DEFB132: variants seen among roughly 807,000 people sequenced by gnomAD.
The protein encoded by DEFB132 is defensin beta 132, also known as beta-defensin 132.
DEFB132 carries 5 observed loss-of-function variants against 2.5 expected under a neutral mutation model. The observed-to-expected ratio is 2.00, with a 90% CI of 1.04 to 4.20. The LOEUF is 4.20. DEFB132 is among the 30% of genes most tolerant of loss of function. The pLI is 0.00. For missense variants in DEFB132, 112 were observed against 110.0 expected, an observed-to-expected ratio of 1.02 and a Z score of -0.08; for synonymous variants, 53 against 46.2, an observed-to-expected ratio of 1.15 and a Z score of -0.60.
At chr20:258,964 C>A in intron 1 of DEFB132, 113 bp from the exon 2 acceptor site, 1 of 1,019,940 alleles carries the variant, frequency 9.8e-7, no homozygotes, top group African/African-American at 1.6e-5. Flanking sequence ...TGCACAACAT[C>A]CTAAGGATAC....
Position 259,180 on chromosome 20 carries a change from A to C in DEFB132, c.162A>C (p.Lys54Asn). The change falls in exon 2 of 2, where the codon AAA (lysine) becomes AAC (asparagine). Residue 54 changes from lysine to asparagine, a missense_variant. Transcript: ENST00000382376. ...TALFMCNASR[K>N]CCISYSFLPK... ...TGTTCATGTGCAACGCTTCCAGAAA[A>C]TGCTGCATCAGCTACTCCTTCCTGC... The C allele has an allele frequency of 1.9e-6, 3 of 1,609,140 alleles. No individual in the cohort carries two copies. The South Asian group carries it at 3.3e-5, about 18-fold the overall frequency.
chr20:259,270 G>A lies in DEFB132; in HGVS notation c.252G>A (p.Arg84=). The part of the protein sequence containing the change: ...HWQSRRRNTQ[R]KDKKQQTTVT... ...AATCAAGGAGAAGAAACACACAAAG[G>A]AAAGACAAGAAGCAACAAACGACCG... The change falls in exon 2 of 2, where the codon AGG becomes AGA. Residue 84 remains arginine, a synonymous_variant. Transcript: ENST00000382376. The A allele has an allele frequency of 6.6e-7, 1 of 1,512,174 alleles. No individual in the cohort carries two copies. The highest frequency in any genetic ancestry group is 1.8e-4 in the Middle Eastern group (1 of 5,602). 93.7% of individuals were successfully genotyped at this position (1,512,174 alleles called of 1,614,324 possible).
At position 259,207 on chromosome 20, in the gene DEFB132, G is replaced by A. The variant is rs181736557; in HGVS notation, c.189G>A (p.Pro63=). The A allele has an allele frequency of 3.0e-5, 49 of 1,610,786 alleles. No individual in the cohort carries two copies. Among genetic ancestry groups the A allele is most frequent in the South Asian group, 1.5e-4 (14 of 91,004 alleles). The change falls in exon 2 of 2, where the codon CCG becomes CCA. Residue 63 remains proline (P), a synonymous_variant. Coordinates refer to ENST00000382376, the MANE Select transcript of DEFB132 (RefSeq NM_207469.3). ...RKCCISYSFL[P]KPDLPQLIGN... is the part of the protein sequence containing the mutation. Reference sequence around the variant, plus strand: ...GCTGCATCAGCTACTCCTTCCTGCCGAAGCCTGACCTACCACAGCTCATCG... The same window carrying A: ...GCTGCATCAGCTACTCCTTCCTGCCAAAGCCTGACCTACCACAGCTCATCG...
chr20:257,888 A>C lies in DEFB132; in HGVS notation c.58+52A>C, dbSNP rs538010615. On this transcript the variant is annotated intron_variant, in intron 1 of 1. Transcript: ENST00000382376. Reference sequence around the variant, plus strand: ...AAAACTGGGAACGAGGAACACTAGCATATCTGGTTGCTCTGGTGATAGATG... The same window carrying C: ...AAAACTGGGAACGAGGAACACTAGCCTATCTGGTTGCTCTGGTGATAGATG... 6.3e-6 allele frequency: 10 copies of C among 1,578,540 alleles called. No individual in the cohort carries two copies. The South Asian group carries it at 6.7e-5, about 11-fold the overall frequency.
At chr20:258,752 C>T (rs2011606507) in intron 1 of DEFB132, among the ~76,000 whole-genome samples, 1 of 152,222 alleles carries the variant, frequency 6.6e-6, no homozygotes, top group African/African-American at 2.4e-5. Context: ...TTTTGAGTAT[C>T]CAAGCTCCTC....
At position 260,882 on chromosome 20, in the gene DEFB132, G is replaced by T. The variant is rs1265258895; in HGVS notation, c.*1576G>T. 1.3e-5 allele frequency: 2 copies of T among 152,126 alleles called. No individual in the cohort carries two copies. Among genetic ancestry groups the T allele is most frequent in the East Asian group, 3.8e-4 (2 of 5,196 alleles). 9.4% of individuals were successfully genotyped at this position (152,126 alleles called of 1,614,324 possible). A position where few individuals can be genotyped will look rare whatever the true frequency, so the allele number is the denominator to read the frequency against. On this transcript the variant is annotated 3_prime_UTR_variant, in exon 2 of 2. Coordinates refer to ENST00000382376, the MANE Select transcript of DEFB132 (RefSeq NM_207469.3). ...CATGTAAGAATAAATTGATTAGGTG[G>T]TATTAAATATTAAGTTCTTATGTAT...
At position 259,422 on chromosome 20, in the gene DEFB132, C is replaced by A; in HGVS notation, c.*116C>A. On this transcript the variant is annotated 3_prime_UTR_variant, in exon 2 of 2. Coordinates refer to ENST00000382376, the MANE Select transcript of DEFB132 (RefSeq NM_207469.3). ...TCTTTATGGGGCAGATATCTATAGC[C>A]AACCCCAAAACTTCTGTCTTCTATC... 1 of 1,118,924 alleles carries A rather than the reference C, an allele frequency of 8.9e-7. No homozygotes were observed. The highest frequency in any genetic ancestry group is 1.3e-6 in the Non-Finnish European group (1 of 798,388). The allele number at this position is 1,118,924 out of a possible 1,614,324, so 69.3% of individuals were successfully genotyped here.
At chr20:257,857 G>A in intron 1 of DEFB132, 21 bp downstream of exon 1, 1 of 1,600,594 alleles carries the variant, frequency 6.2e-7, no homozygotes, top group Non-Finnish European at 8.5e-7. Flanking sequence ...TAAATAGGAG[G>A]AAAGGAAAAC....
chr20:260,614 C>G lies in DEFB132; in HGVS notation c.*1308C>G, dbSNP rs2122202248. On this transcript the variant is annotated 3_prime_UTR_variant, in exon 2 of 2. Transcript: ENST00000382376. ...ATAACATTTATTTGACACGTACTGACTTCTATCTGAGAAGAACAAACCAAA... is the reference window on the plus strand; with the variant it reads ...ATAACATTTATTTGACACGTACTGAGTTCTATCTGAGAAGAACAAACCAAA... The G allele has an allele frequency of 6.6e-6, 1 of 152,272 alleles. No homozygotes were observed. Among genetic ancestry groups the G allele is most frequent in the African/African-American group, 2.4e-5 (1 of 41,560 alleles). 9.4% of individuals were successfully genotyped at this position (152,272 alleles called of 1,614,324 possible).
In DEFB132 at chr20:259,078, CA is replaced by C; in HGVS notation, c.61del (p.Ser21ValfsTer8). On this transcript the variant is annotated frameshift_variant and splice_region_variant, in exon 2 of 2. Coordinates refer to ENST00000382376, the MANE Select transcript of DEFB132 (RefSeq NM_207469.3). LOFTEE classifies it low-confidence loss of function (END_TRUNC). ...LGFLTQVIPA[S>X]AGGSKCVSNT... ...TCTGTCTTGTCCTCTCCCATACAGC[CA>C]GTGCAGGTGGGTCAAAATGTGTGAG... 1 of 1,614,120 alleles carries C rather than the reference CA, an allele frequency of 6.2e-7. No individual in the cohort carries two copies. Among genetic ancestry groups the C allele is most frequent in the Middle Eastern group, 1.7e-4 (1 of 6,036 alleles).
intron 1 of DEFB132, among the ~76,000 whole-genome samples, chr20:258,306 G>A (rs2011603149): frequency 1.3e-5 from 2 of 152,158 alleles, no homozygotes; most frequent in African/African-American, 4.8e-5. Flanking sequence ...GTTCCCACAG[G>A]ATGGTAAGCA....
chr20:259,282 G>A lies in DEFB132; in HGVS notation c.264G>A (p.Lys88=), dbSNP rs747131074. ...RRRNTQRKDK[K]QQTTVTS ...GAAACACACAAAGGAAAGACAAGAAGCAACAAACGACCGTAACATCATAAT... is the reference window on the plus strand; with the variant it reads ...GAAACACACAAAGGAAAGACAAGAAACAACAAACGACCGTAACATCATAAT... Residue 88 remains lysine, a synonymous_variant, in exon 2 of 2, where the codon AAG becomes AAA. Coordinates refer to ENST00000382376, the MANE Select transcript of DEFB132 (RefSeq NM_207469.3). 1.9e-6 allele frequency: 3 copies of A among 1,572,718 alleles called. No homozygotes were observed. The highest frequency in any genetic ancestry group is 1.4e-5 in the African/African-American group (1 of 73,916).
intron 1 of DEFB132, among the ~76,000 whole-genome samples, chr20:258,704 G>A (rs1409011324): frequency 8.8e-6 from 1 of 114,012 alleles, no homozygotes; most frequent in Non-Finnish European, 2.1e-5. Flanking sequence ...CCTTAAAAGG[G>A]AGCCTGTGGG....
intron 1 of DEFB132, among the ~76,000 whole-genome samples, chr20:258,061 T>C (rs928222743): frequency 6.6e-6 from 1 of 152,220 alleles, no homozygotes. Flanking sequence ...TCTAAAATGA[T>C]AGTCACCCTC....
chr20:259,169 G>A lies in DEFB132; in HGVS notation c.151G>A (p.Ala51Thr), dbSNP rs780607143. Residue 51 changes from alanine to threonine, a missense_variant, in exon 2 of 2, where the codon GCT (alanine) becomes ACT (threonine). By Grantham distance (58) the Ala-to-Thr change is moderately conservative. Transcript: ENST00000382376. ...GGAGACAGCATTGTTCATGTGCAAC[G>A]CTTCCAGAAAATGCTGCATCAGCTA... ...WGETALFMCN[A>T]SRKCCISYSF... is the part of the protein sequence containing the mutation. 19 of 1,614,054 alleles carry A rather than the reference G, an allele frequency of 1.2e-5. No individual in the cohort carries two copies. The highest frequency in any genetic ancestry group is 1.4e-5 in the Non-Finnish European group (17 of 1,180,046).
chr20:258,974 C>T, intron 1 of DEFB132, 103 bp from the exon 2 acceptor site: 1 of 1,106,746 alleles, frequency 9.0e-7, no homozygotes, highest in East Asian at 2.5e-5. Flanking sequence ...CCTAAGGATA[C>T]ACCTCAGAAC....
intron 1 of DEFB132, among the ~76,000 whole-genome samples, chr20:258,131 G>A (rs2122196469): frequency 6.6e-6 from 1 of 152,268 alleles, no homozygotes; most frequent in East Asian, 1.9e-4. Flanking sequence ...AACCTCCTAA[G>A]ACACACTGAA....
In DEFB132 at chr20:259,295, G is replaced by A. The variant is rs74420259; in HGVS notation, c.277G>A (p.Val93Ile). 34,663 of 1,613,894 alleles carry A rather than the reference G, an allele frequency of 0.021. 985 individuals are homozygous for A. Among genetic ancestry groups the A allele is most frequent in the South Asian group, 0.11 (10,414 of 91,064 alleles). ...QRKDKKQQTT[V>I]TS Reference sequence around the variant, plus strand: ...GAAAGACAAGAAGCAACAAACGACCGTAACATCATAATAACCACTGCTATC... The same window carrying A: ...GAAAGACAAGAAGCAACAAACGACCATAACATCATAATAACCACTGCTATC... The change falls in exon 2 of 2, where the codon GTA becomes ATA. Residue 93 changes from valine (V) to isoleucine (I), a missense_variant. Coordinates refer to ENST00000382376, the MANE Select transcript of DEFB132 (RefSeq NM_207469.3).
At chr20:258,479 G>C (rs1329231835) in intron 1 of DEFB132, among the ~76,000 whole-genome samples, 1 of 152,228 alleles carries the variant, frequency 6.6e-6, no homozygotes, top group Non-Finnish European at 1.5e-5. Flanking sequence ...GGCCCCTGCT[G>C]TGAGCCAATG....
Sources: gnomAD v4.1 joint callset for allele counts (sites outside exome capture counted in the v4.1 genomes callset) on GRCh38, gnomAD v4.1.1 for gene constraint, MANE v1.5 for transcripts, NCBI Gene and HGNC (gene_info 2026-07-23, HGNC 2026-07-21) for gene names.